PANK2: variants seen among roughly 807,000 people sequenced by gnomAD.
PANK2 encodes pantothenate kinase 2.
Under a neutral mutation model 43.1 loss-of-function variants are expected in PANK2, and 36 were observed. That is an observed-to-expected ratio of 0.84 (90% CI 0.64 to 1.10). The LOEUF is 1.10. Ranked by LOEUF, PANK2 falls within the 50% of genes least tolerant of loss-of-function variation. The pLI is 0.00. For missense variants in PANK2, 576 were observed against 593.3 expected (o/e 0.97, Z 0.30); for synonymous variants, 281 against 238.2 (o/e 1.18, Z -1.66).
intron 6 of PANK2, among the ~76,000 whole-genome samples, chr20:3,920,875 T>C (rs999706394): frequency 6.6e-6 from 1 of 151,984 alleles, no homozygotes; most frequent in African/African-American, 2.4e-5. Context: ...CAAACCGATA[T>C]CATCATAATA....
At position 3,924,497 on chromosome 20, in the gene PANK2, T is replaced by A. The variant is rs1038272684; in HGVS notation, c.*1203T>A. 6.6e-6 allele frequency: 1 copy of A among 152,482 alleles called. No individual in the cohort carries two copies. The highest frequency in any genetic ancestry group is 1.5e-5 in the Non-Finnish European group (1 of 68,164). The allele number at this position is 152,482 out of a possible 1,614,324, so 9.4% of individuals were successfully genotyped here. A position where few individuals can be genotyped will look rare whatever the true frequency, so the allele number is the denominator to read the frequency against. Reference sequence around the variant, plus strand: ...CCAGCTGGGGCAAGGGGAACTGATATGTGGGCTGTGGGCTGTTCCACTAGG... The same window carrying A: ...CCAGCTGGGGCAAGGGGAACTGATAAGTGGGCTGTGGGCTGTTCCACTAGG... On this transcript the variant is annotated 3_prime_UTR_variant, in exon 7 of 7. Transcript: ENST00000610179.
At chr20:3,889,181 C>T (rs2090065892), upstream of PANK2, 3 of 1,610,206 alleles carry the variant, frequency 1.9e-6, no homozygotes, top group Non-Finnish European at 2.5e-6. Context: ...ACCGCCTTCT[C>T]TTCCTCCGCG....
Position 3,889,461 on chromosome 20 carries a change from C to A in PANK2, c.31C>A (p.Leu11Met). Reference sequence around the variant, plus strand: ...GGGCTTGCTCGGGCGGCAGCGACTGCTGCTGCGGATGGGAGGGGGCCGGCT... The same window carrying A: ...GGGCTTGCTCGGGCGGCAGCGACTGATGCTGCGGATGGGAGGGGGCCGGCT... Residue 11 changes from leucine to methionine, a missense_variant, in exon 1 of 7, where the codon CTG (leucine) becomes ATG (methionine). Leu to Met is a conservative substitution (Grantham distance 15). Transcript: ENST00000610179. 1 of 1,545,072 alleles carries A rather than the reference C, an allele frequency of 6.5e-7. No homozygotes were observed. Among genetic ancestry groups the A allele is most frequent in the Non-Finnish European group, 8.7e-7 (1 of 1,152,716 alleles).
chr20:3,904,977 G>A (rs886988052), intron 1 of PANK2, among the ~76,000 whole-genome samples: 1 of 152,158 alleles, frequency 6.6e-6, no homozygotes, highest in South Asian at 2.1e-4. Flanking sequence ...GCAAAATATG[G>A]GGTAAAATGT....
chr20:3,889,469 G>T lies in PANK2; in HGVS notation c.39G>T (p.Arg13=), dbSNP rs1327793374. 63 of 1,536,476 alleles carry T rather than the reference G, an allele frequency of 4.1e-5. No homozygotes were observed. The highest frequency in any genetic ancestry group is 5.3e-5 in the Non-Finnish European group (61 of 1,149,164). ...TCGGGCGGCAGCGACTGCTGCTGCG[G>T]ATGGGAGGGGGCCGGCTCGGCGCGC... The change falls in exon 1 of 7, where the codon CGG becomes CGT. Residue 13 remains arginine, a synonymous_variant. Coordinates refer to ENST00000610179, the MANE Select transcript of PANK2 (RefSeq NM_001386393.1).
rs575187605 is a variant in PANK2, at chr20:3,889,434, G to C, written c.4G>C (p.Gly2Arg). Residue 2 changes from glycine (G) to arginine (R), a missense_variant, in exon 1 of 7, where the codon GGG becomes CGG. By Grantham distance (125) the Gly-to-Arg change is moderately radical. Transcript: ENST00000610179. ...GGAGGCGAGAAGGAATCCGACGCTG[G>C]GGGGCTTGCTCGGGCGGCAGCGACT... The C allele has an allele frequency of 3.2e-6, 5 of 1,562,274 alleles. No individual in the cohort carries two copies. Among genetic ancestry groups the C allele is most frequent in the East Asian group, 4.7e-5 (2 of 42,644 alleles).
chr20:3,892,604 A>G (rs1204875075), intron 1 of PANK2, among the ~76,000 whole-genome samples: 2 of 138,938 alleles, frequency 1.4e-5, no homozygotes, highest in Non-Finnish European at 3.0e-5. Flanking sequence ...TGAACCCGGG[A>G]GGCAGAGGTT....
At chr20:3,922,459 CG>C (rs2090661301) in intron 6 of PANK2, among the ~76,000 whole-genome samples, 1 of 152,218 alleles carries the variant, frequency 6.6e-6, no homozygotes, top group South Asian at 2.1e-4. Flanking sequence ...TGCCCTCCCT[CG>C]GGAGCCTCCG....
chr20:3,899,499 T>G (rs1410611551), intron 1 of PANK2, among the ~76,000 whole-genome samples: 1 of 151,386 alleles, frequency 6.6e-6, no homozygotes, highest in Non-Finnish European at 1.5e-5. Context: ...CAGAGTTCTA[T>G]TTGTGTTTAC....
In PANK2 at chr20:3,892,570, G is replaced by T. The variant is rs994601436; in HGVS notation, c.298+2842G>T. Among the ~76,000 whole-genome samples the T allele has an allele frequency of 4.0e-5, 6 of 151,590 alleles. No individual in the cohort carries two copies. In the East Asian group the frequency reaches 9.7e-4, roughly 25 times the overall value. ...CGCGTGCCCGTAGTCGCAGCTACTC[G>T]GGAGGCTGAGGCAGATAATTGCTTG... On this transcript the variant is annotated intron_variant, in intron 1 of 6. Transcript: ENST00000610179.
chr20:3,902,184 A>G (rs1297531730), intron 1 of PANK2, among the ~76,000 whole-genome samples: 1 of 141,014 alleles, frequency 7.1e-6, no homozygotes, highest in Non-Finnish European at 1.5e-5. Context: ...TTTTTTAGTT[A>G]GAGACAGAGT....
intron 1 of PANK2, among the ~76,000 whole-genome samples, chr20:3,903,060 C>T (rs2090329505): frequency 6.6e-6 from 1 of 151,300 alleles, no homozygotes; most frequent in Non-Finnish European, 1.5e-5. Flanking sequence ...CAGAGTTTTT[C>T]CCTCCTCCTG....
Position 3,923,670 on chromosome 20 carries a change from A to G in PANK2, c.*376A>G, listed in dbSNP as rs746515620. On this transcript the variant is annotated 3_prime_UTR_variant, in exon 7 of 7. Transcript: ENST00000610179. Reference sequence around the variant, plus strand: ...GAACTTGCTGAATGTAAGGCAGGCTACTATGCGTTATAATCTAATCACAAT... The same window carrying G: ...GAACTTGCTGAATGTAAGGCAGGCTGCTATGCGTTATAATCTAATCACAAT... 2.5e-5 allele frequency: 8 copies of G among 320,236 alleles called. No homozygotes were observed. Among genetic ancestry groups the G allele is most frequent in the Non-Finnish European group, 4.1e-5 (7 of 169,020 alleles). 19.8% of individuals were successfully genotyped at this position (320,236 alleles called of 1,614,324 possible).
chr20:3,896,281 T>TGTTA (rs2090207510), intron 1 of PANK2, among the ~76,000 whole-genome samples: 1 of 149,680 alleles, frequency 6.7e-6, no homozygotes, highest in African/African-American at 2.5e-5. Flanking sequence ...GGTTTCACCA[T>TGTTA]GTTAGCCAGG....
rs769866444 is a variant in PANK2, at chr20:3,889,585, C to G, written c.155C>G (p.Pro52Arg). The G allele has an allele frequency of 8.1e-6, 12 of 1,488,016 alleles. No individual in the cohort carries two copies. In the East Asian group the frequency reaches 3.0e-4, roughly 37 times the overall value. The allele number at this position is 1,488,016 out of a possible 1,614,324, so 92.2% of individuals were successfully genotyped here. A position where few individuals can be genotyped will look rare whatever the true frequency, so the allele number is the denominator to read the frequency against. Residue 52 changes from proline (P) to arginine (R), a missense_variant, in exon 1 of 7, where the codon CCA (proline) becomes CGA (arginine). By Grantham distance (103) the Pro-to-Arg change is moderately radical. Transcript: ENST00000610179. Reference sequence around the variant, plus strand: ...GACCCCGAAGGGCGGCGGCAGGAGCCACTGCGGCGCCGGGCGAGCAGCGCG... The same window carrying G: ...GACCCCGAAGGGCGGCGGCAGGAGCGACTGCGGCGCCGGGCGAGCAGCGCG...
chr20:3,889,851 C>A, intron 1 of PANK2, 123 bp downstream of exon 1: 4 of 1,534,230 alleles, frequency 2.6e-6, no homozygotes, highest in African/African-American at 1.4e-5. Context: ...GGTGGTCCCT[C>A]GTTGGTGCGT....
At chr20:3,914,721 C>T (rs1447958611) in intron 4 of PANK2, among the ~76,000 whole-genome samples, 1 of 151,990 alleles carries the variant, frequency 6.6e-6, no homozygotes, top group Non-Finnish European at 1.5e-5. Flanking sequence ...TGCTTCACCT[C>T]GCAAGTAGCT....
At chr20:3,922,821 A>G (rs1670586991) in intron 6 of PANK2, among the ~76,000 whole-genome samples, 1 of 151,922 alleles carries the variant, frequency 6.6e-6, no homozygotes, top group African/African-American at 2.4e-5. Context: ...CCACCTCACA[A>G]CTTCACCTGT....
At chr20:3,910,905 A>G (rs989832390) in intron 3 of PANK2, 75 bp downstream of exon 3, 2 of 1,544,200 alleles carry the variant, frequency 1.3e-6, no homozygotes, top group Non-Finnish European at 1.8e-6. Flanking sequence ...ACATGTAACT[A>G]CACCTTCAAG....
Sources: allele counts gnomAD v4.1 joint callset (sites outside exome capture counted in the v4.1 genomes callset), GRCh38; gene constraint gnomAD v4.1.1; transcripts MANE v1.5; gene names NCBI Gene and HGNC (gene_info 2026-07-23, HGNC 2026-07-21).